Variants in POLQ observed in about 807,000 individuals in gnomAD.
POLQ encodes epididymis secretory sperm binding protein.
Under a neutral mutation model 259.2 loss-of-function variants are expected in POLQ, and 233 were observed. The observed-to-expected ratio is 0.90, with a 90% CI of 0.81 to 1.00. POLQ has a LOEUF of 1.00. Ranked by LOEUF, POLQ falls within the 50% of genes least tolerant of loss-of-function variation. The pLI is 0.00. For missense variants in POLQ, 2,871 were observed against 3,051.6 expected, an observed-to-expected ratio of 0.94 and a Z score of 1.39; for synonymous variants, 1,025 against 1,048.8, an observed-to-expected ratio of 0.98 and a Z score of 0.44.
rs545707433 is a variant in POLQ at position 121,489,656 on chromosome 3, C to A, written c.3275G>T (p.Arg1092Ile). 2.5e-6 allele frequency: 4 copies of A among 1,614,034 alleles called. No individual in the cohort carries two copies. In the African/African-American group the frequency reaches 4.0e-5, roughly 16 times the overall value. ...ATTTTTAGCAAATGGCCCTGAATTT[C>A]TAAATTCCGTTTTCTTCTCATCTAA... ...FTLDEKKTEFRNSGPFAKNVS... is the reference protein window; with the variant it reads ...FTLDEKKTEFINSGPFAKNVS... The change falls in exon 16 of 30, where the codon AGA becomes ATA. Residue 1092 changes from arginine (R) to isoleucine (I), a missense_variant. This residue lies in a region of POLQ where 2,080 missense variants were observed against 2,126.0 expected (regional missense o/e 0.98). Transcript: ENST00000264233.
At position 121,460,391 on chromosome 3, in the gene POLQ, T is replaced by C. The variant is rs573899585; in HGVS notation, c.6968-157A>G. On this transcript the variant is annotated intron_variant, in intron 24 of 29. Transcript: ENST00000264233. ...AGTTAAAACCTTCCTCTTAATATGATGGAATTCAGCTCTGTATCTTAGGTC... is the reference window on the plus strand; with the variant it reads ...AGTTAAAACCTTCCTCTTAATATGACGGAATTCAGCTCTGTATCTTAGGTC... Among the ~76,000 whole-genome samples the C allele has an allele frequency of 3.9e-5, 6 of 152,350 alleles. No homozygotes were observed. The East Asian group carries it at 7.7e-4, about 20-fold the overall frequency.
intron 1 of POLQ, 69 bp downstream of exon 1, chr3:121,545,646 G>A (rs1242730212): frequency 1.4e-6 from 2 of 1,427,412 alleles, no homozygotes; most frequent in Non-Finnish European, 9.4e-7. Flanking sequence ...GTGGGGTGAG[G>A]ACACCTCCCG....
chr3:121,517,590 A>G (rs967618973), intron 9 of POLQ, among the ~76,000 whole-genome samples: 1 of 152,156 alleles, frequency 6.6e-6, no homozygotes, highest in Non-Finnish European at 1.5e-5. Context: ...AATCATGTGA[A>G]AGTTCTGGCC....
rs768091001 is a variant in POLQ at position 121,485,134 on chromosome 3, C to T, written c.5680G>A (p.Gly1894Ser). 18 of 1,610,570 alleles carry T rather than the reference C, an allele frequency of 1.1e-5. No individual in the cohort carries two copies. The highest frequency in any genetic ancestry group is 1.5e-5 in the Non-Finnish European group (18 of 1,177,578). The change falls in exon 17 of 30, where the codon GGT (glycine) becomes AGT (serine). Residue 1894 changes from glycine (G) to serine (S), a missense_variant. Physicochemically the swap from Gly to Ser is moderately conservative, Grantham distance 56 (BLOSUM62 0). This residue lies in a region of POLQ where 2,080 missense variants were observed against 2,126.0 expected (regional missense o/e 0.98). Transcript: ENST00000264233. ...PIRDDGFPIK[G>S]CDDTLVVGLA... ...CCAACCACCAAGGTGTCATCACAAC[C>T]TTTAATGGGAAATCCATCATCTCTA...
At chr3:121,456,984 T>C (rs1458297113) in intron 25 of POLQ, among the ~76,000 whole-genome samples, 3 of 152,134 alleles carry the variant, frequency 2.0e-5, no homozygotes, top group South Asian at 2.1e-4. Flanking sequence ...CTTCAAACTA[T>C]ACTACAAGGC....
At chr3:121,543,723 C>T (rs1373644541) in intron 2 of POLQ, among the ~76,000 whole-genome samples, 1 of 152,292 alleles carries the variant, frequency 6.6e-6, no homozygotes, top group Non-Finnish European at 1.5e-5. Context: ...GTGGCTCATG[C>T]CTGTAATCCC....
chr3:121,470,667 G>A (rs1018538683), intron 22 of POLQ, among the ~76,000 whole-genome samples: 1 of 152,186 alleles, frequency 6.6e-6, no homozygotes, highest in Non-Finnish European at 1.5e-5. Context: ...CTGAAGTGCA[G>A]TGGCTCAATC....
intron 15 of POLQ, among the ~76,000 whole-genome samples, chr3:121,490,743 A>G (rs2048061349): frequency 6.6e-6 from 1 of 152,204 alleles, no homozygotes; most frequent in Non-Finnish European, 1.5e-5. Context: ...AAAAAGTGAA[A>G]GCCATAAAAC....
chr3:121,497,777 T>C (rs1389398981), intron 13 of POLQ, among the ~76,000 whole-genome samples: 4 of 152,138 alleles, frequency 2.6e-5, no homozygotes, highest in African/African-American at 7.2e-5. Context: ...CCTGTACCAA[T>C]TTTTCCACCT....
At chr3:121,494,189 T>C in intron 14 of POLQ, 1 of 1,214,446 alleles carries the variant, frequency 8.2e-7, no homozygotes, top group East Asian at 2.4e-5. Context: ...GCTAAGAAAG[T>C]GGTGAATCCC....
intron 14 of POLQ, chr3:121,494,683 T>G: frequency 2.5e-6 from 4 of 1,578,504 alleles, no homozygotes; most frequent in Non-Finnish European, 3.4e-6. Context: ...GACTGGGACG[T>G]CTAGTCCACA....
chr3:121,438,947 A>G (rs533644370), intron 27 of POLQ, among the ~76,000 whole-genome samples: 2 of 152,320 alleles, frequency 1.3e-5, no homozygotes, highest in Admixed American at 6.5e-5. Flanking sequence ...TGAGCTCCAG[A>G]CAGAAGTTTA....
At chr3:121,505,722 G>A (rs1396114909) in intron 12 of POLQ, among the ~76,000 whole-genome samples, 3 of 151,806 alleles carry the variant, frequency 2.0e-5, no homozygotes, top group Admixed American at 6.6e-5. Flanking sequence ...CTCAAAATAG[G>A]GGCAGGCCAG....
chr3:121,520,234 T>C, intron 8 of POLQ, 151 bp from the exon 9 acceptor site: 1 of 626,078 alleles, frequency 1.6e-6, no homozygotes, highest in South Asian at 2.1e-5. Flanking sequence ...TCACAGTCTA[T>C]CTCTTTAACA....
chr3:121,516,658 A>G (rs1325692714), intron 9 of POLQ, among the ~76,000 whole-genome samples: 11 of 152,162 alleles, frequency 7.2e-5, no homozygotes, highest in Admixed American at 2.0e-4. Flanking sequence ...CCATCATCCT[A>G]TACTAGAAGC....
At chr3:121,528,317 A>G (rs1298886620) in intron 7 of POLQ, among the ~76,000 whole-genome samples, 2 of 150,052 alleles carry the variant, frequency 1.3e-5, no homozygotes, top group Non-Finnish European at 3.0e-5. Context: ...ATGGGGTTTC[A>G]CTATGTTGGC....
Position 121,545,809 on chromosome 3 carries a change from G to A in POLQ, c.69C>T (p.Ser23=). Residue 23 remains serine, a synonymous_variant, in exon 1 of 30, where the codon AGC becomes AGT. Coordinates refer to ENST00000264233, the MANE Select transcript of POLQ (RefSeq NM_199420.4). ...SESGSDSFSG[S]GGDSSASPQF... is the part of the protein sequence containing the mutation. ...GGGGGCTGGCACTGCTGTCACCGCC[G>A]CTTCCCGAGAACGAATCTGAGCCTG... The A allele has an allele frequency of 6.2e-7, 1 of 1,613,380 alleles. No individual in the cohort carries two copies. The highest frequency in any genetic ancestry group is 8.5e-7 in the Non-Finnish European group (1 of 1,179,774).
chr3:121,544,993 T>G, intron 1 of POLQ, 87 bp from the exon 2 acceptor site: 2 of 772,146 alleles, frequency 2.6e-6, no homozygotes, highest in Non-Finnish European at 4.1e-6. Flanking sequence ...TTGGAATTCC[T>G]ATGTGTTGAA....
In POLQ at chr3:121,510,120, G is replaced by A. The variant is rs576439796; in HGVS notation, c.1735C>T (p.Leu579Phe). Residue 579 changes from leucine (L) to phenylalanine (F), a missense_variant, in exon 11 of 30, where the codon CTT becomes TTT. Around this residue, in one of 3 missense-constraint regions of POLQ, gnomAD observed 783 missense variants for 906.2 expected, o/e 0.86. Transcript: ENST00000264233. The part of the protein sequence containing the change: ...GIQRNQESVQ[L>F]GAIEACVMWL... Reference sequence around the variant, plus strand: ...ATCACACAGGCCTCAATCGCTCCAAGCTGAACAGACTCTTGATTTCTCTGA... The same window carrying A: ...ATCACACAGGCCTCAATCGCTCCAAACTGAACAGACTCTTGATTTCTCTGA... 1.4e-5 allele frequency: 22 copies of A among 1,614,016 alleles called. No homozygotes were observed. In the South Asian group the frequency reaches 2.2e-4, roughly 16 times the overall value.
Sources: allele counts gnomAD v4.1 joint callset (sites outside exome capture counted in the v4.1 genomes callset), GRCh38; gene constraint gnomAD v4.1.1; regional missense constraint gnomAD v4.1.1; transcripts MANE v1.5; gene names NCBI Gene and HGNC (gene_info 2026-07-23, HGNC 2026-07-21).